Variants in IL1RAPL1 observed in about 807,000 individuals in gnomAD.
IL1RAPL1 encodes the protein interleukin-1 receptor accessory protein-like 1.
A neutral mutation model predicts 48.4 loss-of-function variants in IL1RAPL1; 3 were observed. The ratio of observed to expected loss-of-function variants is 0.06; its 90% CI spans 0.03 to 0.16. The LOEUF is 0.16. Ranked by LOEUF, IL1RAPL1 falls within the 10% of genes least tolerant of loss-of-function variation. The pLI is 1.00. For synonymous variants in IL1RAPL1, 185 were observed against 187.7 expected, an observed-to-expected ratio of 0.99 and a Z score of 0.12; for missense variants, 349 against 530.6, an observed-to-expected ratio of 0.66 and a Z score of 3.36.
At chrX:28,893,127 G>A (rs1307897734) in intron 2 of IL1RAPL1, among the ~76,000 whole-genome samples, 1 of 111,129 alleles carries the variant, frequency 9.0e-6, no homozygotes, top group South Asian at 3.9e-4. Flanking sequence ...GGGATGACAA[G>A]TTTTTTGGGG....
intron 2 of IL1RAPL1, among the ~76,000 whole-genome samples, chrX:29,098,076 C>G (rs1031913192): frequency 8.9e-6 from 1 of 112,182 alleles, no homozygotes; most frequent in Non-Finnish European, 1.9e-5. Context: ...GTTAGAAAGG[C>G]GTAATGAAAT....
At chrX:28,775,901 G>T (rs980950459) in intron 1 of IL1RAPL1, among the ~76,000 whole-genome samples, 1 of 112,060 alleles carries the variant, frequency 8.9e-6, no homozygotes, top group Non-Finnish European at 1.9e-5. Context: ...CTAAGTTACA[G>T]ACAACTTCTT....
chrX:29,433,530 A>T (rs778741917), intron 5 of IL1RAPL1, among the ~76,000 whole-genome samples: 1 of 111,305 alleles, frequency 9.0e-6, no homozygotes, highest in South Asian at 3.7e-4. Flanking sequence ...CAATTTCTGG[A>T]TAGAGAGGCA....
intron 6 of IL1RAPL1, among the ~76,000 whole-genome samples, chrX:29,863,988 T>C (rs1931643718): frequency 9.0e-6 from 1 of 111,410 alleles, no homozygotes; most frequent in Admixed American, 9.5e-5. Context: ...GGTTTCACCA[T>C]GTTGGTCAGG....
At chrX:29,531,755 C>T (rs1343601533) in intron 5 of IL1RAPL1, among the ~76,000 whole-genome samples, 1 of 112,253 alleles carries the variant, frequency 8.9e-6, no homozygotes, top group East Asian at 2.8e-4. Flanking sequence ...CTTGCCTCTT[C>T]TTAACTTCTG....
intron 5 of IL1RAPL1, among the ~76,000 whole-genome samples, chrX:29,631,228 G>A (rs185283067): frequency 6.6e-4 from 73 of 110,914 alleles, no homozygotes; most frequent in African/African-American, 2.3e-3. Flanking sequence ...CCAGCTCTTG[G>A]TTGTGCTTAG....
chrX:28,722,227 G>A (rs1304612936), intron 1 of IL1RAPL1, among the ~76,000 whole-genome samples: 3 of 111,571 alleles, frequency 2.7e-5, no homozygotes, highest in Non-Finnish European at 5.6e-5. Context: ...CTATCCATGA[G>A]CATGGAATGT....
intron 1 of IL1RAPL1, among the ~76,000 whole-genome samples, chrX:28,781,032 G>C (rs770282080): frequency 2.7e-5 from 3 of 110,793 alleles, no homozygotes; most frequent in Non-Finnish European, 5.7e-5. Context: ...ACATAAATCT[G>C]TCTGGATTAA....
chrX:29,851,019 C>T (rs1249388531), intron 6 of IL1RAPL1, among the ~76,000 whole-genome samples: 2 of 111,508 alleles, frequency 1.8e-5, no homozygotes, highest in Non-Finnish European at 3.8e-5. Context: ...CAGTATCTGT[C>T]CAGATTGCCA....
chrX:29,105,679 A>G (rs1977578046), intron 2 of IL1RAPL1, among the ~76,000 whole-genome samples: 1 of 111,799 alleles, frequency 8.9e-6, no homozygotes, highest in Non-Finnish European at 1.9e-5. Context: ...CTCATTCACC[A>G]CAGAACAAGT....
chrX:29,240,257 CAG>C (rs1373395238), intron 2 of IL1RAPL1, among the ~76,000 whole-genome samples: 10 of 45,699 alleles, frequency 2.2e-4, no homozygotes, highest in Non-Finnish European at 3.2e-4. Flanking sequence ...TTTTTTGAGG[CAG>C]AGTCTCACTC....
At chrX:29,451,414 C>T (rs929629443) in intron 5 of IL1RAPL1, among the ~76,000 whole-genome samples, 1 of 110,463 alleles carries the variant, frequency 9.1e-6, no homozygotes, top group Non-Finnish European at 1.9e-5. Context: ...AGGCTGGTCT[C>T]GAACTTCTGG....
chrX:29,744,910 C>G (rs182830510), intron 6 of IL1RAPL1, among the ~76,000 whole-genome samples: 377 of 111,700 alleles, frequency 3.4e-3, no homozygotes, highest in Non-Finnish European at 5.3e-3. Flanking sequence ...GCCCAGAAAT[C>G]AAAGTAACTA....
At chrX:28,625,129 C>T (rs1428853779) in intron 1 of IL1RAPL1, among the ~76,000 whole-genome samples, 7 of 111,605 alleles carry the variant, frequency 6.3e-5, no homozygotes, top group Admixed American at 4.8e-4. Flanking sequence ...AAAGACTTTT[C>T]GCTTCTCAAT....
At chrX:29,171,951 T>C (rs943500663) in intron 2 of IL1RAPL1, among the ~76,000 whole-genome samples, 1 of 112,387 alleles carries the variant, frequency 8.9e-6, no homozygotes, top group Non-Finnish European at 1.9e-5. Context: ...AATAGTGGTT[T>C]TCAATTTGTT....
rs990802043 is a variant in IL1RAPL1, at chrX:28,733,659, T to A, written c.-24-55661T>A. Among the ~76,000 whole-genome samples the A allele has an allele frequency of 3.6e-5, 4 of 111,582 alleles. No individual in the cohort carries two copies. The East Asian group carries it at 1.1e-3, about 31-fold the overall frequency. Reference sequence around the variant, plus strand: ...CAGCCTTCTTTCTGATTTTGTCGACTCTCGTAGACTTCTCGATGATGGAAG... The same window carrying A: ...CAGCCTTCTTTCTGATTTTGTCGACACTCGTAGACTTCTCGATGATGGAAG... On this transcript the variant is annotated intron_variant, in intron 1 of 10. Coordinates refer to ENST00000378993, the MANE Select transcript of IL1RAPL1 (RefSeq NM_014271.4).
chrX:29,015,598 AT>A (rs1926224167), intron 2 of IL1RAPL1, among the ~76,000 whole-genome samples: 1 of 111,459 alleles, frequency 9.0e-6, no homozygotes, highest in South Asian at 3.8e-4. Context: ...TATTTGGGGA[AT>A]TCCTGAGATT....
chrX:28,869,071 T>G (rs1387072321), intron 2 of IL1RAPL1, among the ~76,000 whole-genome samples: 2 of 112,962 alleles, frequency 1.8e-5, no homozygotes, highest in African/African-American at 6.4e-5. Context: ...TTATGCATGC[T>G]GCATTTAATA....
intron 3 of IL1RAPL1, among the ~76,000 whole-genome samples, chrX:29,375,660 G>A (rs1365205763): frequency 6.3e-5 from 7 of 111,828 alleles, no homozygotes; most frequent in Admixed American, 3.8e-4. Flanking sequence ...TATTAAATTC[G>A]AATCCTCACT....
Sources: gnomAD v4.1 joint callset for allele counts (sites outside exome capture counted in the v4.1 genomes callset) on GRCh38, gnomAD v4.1.1 for gene constraint, MANE v1.5 for transcripts, NCBI Gene and HGNC (gene_info 2026-07-23, HGNC 2026-07-21) for gene names.